Variants in ITGA2 observed in about 807,000 individuals in gnomAD.
The protein encoded by ITGA2 is integrin alpha-2.
In ITGA2, 101 loss-of-function variants were observed where a neutral mutation model predicts 146.3. The observed-to-expected ratio is 0.69, with a 90% CI of 0.59 to 0.81. The LOEUF (loss-of-function observed/expected upper bound fraction) is 0.81, where lower values mean the gene tolerates loss of function less well. Ranked by LOEUF, ITGA2 falls within the 40% of genes least tolerant of loss-of-function variation. The pLI, the probability that ITGA2 is intolerant of heterozygous loss-of-function variation, is 0.00. For missense variants in ITGA2, 1,281 were observed against 1,402.7 expected (o/e 0.91, Z 1.39); for synonymous variants, 477 against 487.1 (o/e 0.98, Z 0.27).
chr5:53,042,728 C>G (rs749376934), intron 3 of ITGA2, among the ~76,000 whole-genome samples: 11 of 151,968 alleles, frequency 7.2e-5, no homozygotes, highest in Non-Finnish European at 1.5e-4. Flanking sequence ...CCTATTAATG[C>G]CAAAAATTTA....
chr5:53,063,022 A>G, intron 13 of ITGA2, 93 bp downstream of exon 13: 1 of 1,027,996 alleles, frequency 9.7e-7, no homozygotes, highest in Non-Finnish European at 1.5e-6. Flanking sequence ...TTATTGAATG[A>G]TAATTTGCAC....
chr5:53,002,468 A>C (rs890075378), intron 1 of ITGA2, among the ~76,000 whole-genome samples: 1 of 152,154 alleles, frequency 6.6e-6, no homozygotes, highest in African/African-American at 2.4e-5. Context: ...CTTTTCATAG[A>C]TATACTCACT....
intron 7 of ITGA2, among the ~76,000 whole-genome samples, chr5:53,053,487 A>ACGGCC (rs772142073): frequency 1.3e-5 from 2 of 152,262 alleles, no homozygotes; most frequent in East Asian, 3.9e-4. Flanking sequence ...AGAAACTGCA[A>ACGGCC]CGGCCCGGTT....
At chr5:53,086,859 C>A in intron 27 of ITGA2, 93 bp from the exon 28 acceptor site, 1 of 1,024,160 alleles carries the variant, frequency 9.8e-7, no homozygotes, top group Non-Finnish European at 1.5e-6. Context: ...TGTCACATTC[C>A]ACCAGGAAAT....
intron 23 of ITGA2, among the ~76,000 whole-genome samples, chr5:53,078,397 A>C (rs1445941): frequency 0.22 from 33,532 of 152,098 alleles, 4,084 homozygotes; most frequent in South Asian, 0.28. Flanking sequence ...CATTCATTCA[A>C]CTAACAAGTA....
intron 11 of ITGA2, 23 bp downstream of exon 11, chr5:53,060,035 T>C: frequency 6.2e-7 from 1 of 1,611,078 alleles, no homozygotes; most frequent in Non-Finnish European, 8.5e-7. Flanking sequence ...AATAATTGGC[T>C]CAGCAAACTT....
intron 27 of ITGA2, among the ~76,000 whole-genome samples, chr5:53,084,504 G>A (rs527243481): frequency 1.2e-4 from 18 of 152,116 alleles, no homozygotes; most frequent in Non-Finnish European, 2.1e-4. Context: ...AGAAGAAAAC[G>A]GAATAGTAAA....
In ITGA2 at chr5:53,060,995, T is replaced by C. The variant is rs752390199; in HGVS notation, c.1407T>C (p.Ser469=). 3.2e-5 allele frequency: 51 copies of C among 1,612,276 alleles called. No individual in the cohort carries two copies. The highest frequency in any genetic ancestry group is 4.2e-5 in the Non-Finnish European group (49 of 1,178,896). The change falls in exon 12 of 30, where the codon AGT becomes AGC. Residue 469 remains serine, a synonymous_variant. Transcript: ENST00000296585. The stretch of plus-strand genomic sequence containing the variant: ...ATACCGGCCAGATAGTGCTATATAG[T>C]GTGAATGAGAATGGCAATATCACGG... ...ANYTGQIVLY[S]VNENGNITVI... is the part of the protein sequence containing the mutation.
Position 52,989,380 on chromosome 5 carries a change from TGTGCAG to T in ITGA2, c.-86_-81del. ...GAAGCCCTCTGGACAGCTTCTAGAG[TGTGCAG>T]GTTCTCGTATCCCTCGGCCAAGGGT... On this transcript the variant is annotated 5_prime_UTR_variant, in exon 1 of 30. Coordinates refer to ENST00000296585, the MANE Select transcript of ITGA2 (RefSeq NM_002203.4). 2 of 1,335,456 alleles carry T rather than the reference TGTGCAG, an allele frequency of 1.5e-6. No individual in the cohort carries two copies. The highest frequency in any genetic ancestry group is 2.4e-5 in the South Asian group (2 of 84,894). 82.7% of individuals were successfully genotyped at this position (1,335,456 alleles called of 1,614,324 possible). A position where few individuals can be genotyped will look rare whatever the true frequency, so the allele number is the denominator to read the frequency against.
At chr5:53,077,222 G>C (rs1239554144) in intron 23 of ITGA2, among the ~76,000 whole-genome samples, 4 of 152,038 alleles carry the variant, frequency 2.6e-5, no homozygotes, top group African/African-American at 9.6e-5. Context: ...CAAGACATTT[G>C]GTTGTTTTGC....
chr5:53,090,262 C>T (rs1740346066), intron 29 of ITGA2, among the ~76,000 whole-genome samples, 200 bp downstream of exon 29: 1 of 152,172 alleles, frequency 6.6e-6, no homozygotes, highest in Non-Finnish European at 1.5e-5. Context: ...TTCCTTTCAT[C>T]CAGAGCCCTG....
chr5:53,030,825 A>G lies in ITGA2; in HGVS notation c.185+3957A>G, dbSNP rs139542070. Among the ~76,000 whole-genome samples the G allele has an allele frequency of 1.7e-4, 26 of 152,340 alleles. No homozygotes were observed. The East Asian group carries it at 4.0e-3, about 24-fold the overall frequency. On this transcript the variant is annotated intron_variant, in intron 2 of 29. Coordinates refer to ENST00000296585, the MANE Select transcript of ITGA2 (RefSeq NM_002203.4). Reference sequence around the variant, plus strand: ...CAGTTAATGGTGTTTGTTTTCTTTCAGTGTCACTAGCTATAATAACTTAAG... The same window carrying G: ...CAGTTAATGGTGTTTGTTTTCTTTCGGTGTCACTAGCTATAATAACTTAAG...
At chr5:53,052,169 A>G (rs1344766724) in intron 7 of ITGA2, among the ~76,000 whole-genome samples, 1 of 152,136 alleles carries the variant, frequency 6.6e-6, no homozygotes, top group Admixed American at 6.5e-5. Context: ...TACACATGCC[A>G]TGGTGATTTG....
chr5:53,070,949 G>A (rs3212574), intron 17 of ITGA2, among the ~76,000 whole-genome samples: 27,943 of 151,810 alleles, frequency 0.18, 2,657 homozygotes, highest in Non-Finnish European at 0.22. Context: ...TTTAAGGTGC[G>A]AAAGAACTGC....
At chr5:53,005,593 A>AG (rs1373643690) in intron 1 of ITGA2, among the ~76,000 whole-genome samples, 2 of 151,938 alleles carry the variant, frequency 1.3e-5, no homozygotes, top group African/African-American at 4.8e-5. Flanking sequence ...AAAAAAAAAA[A>AG]AAAGATGAAA....
rs117279333 is a variant in ITGA2, at chr5:53,068,925, A to T, written c.2084-1184A>T. ...GACTAACTTTGTCCTAACTGCACTCACCTCCTTGCCATTGTTTTTCCTTTA... is the reference window on the plus strand; with the variant it reads ...GACTAACTTTGTCCTAACTGCACTCTCCTCCTTGCCATTGTTTTTCCTTTA... On this transcript the variant is annotated intron_variant, in intron 16 of 29. Coordinates refer to ENST00000296585, the MANE Select transcript of ITGA2 (RefSeq NM_002203.4). Among the ~76,000 whole-genome samples the T allele has an allele frequency of 7.3e-5, 11 of 151,148 alleles. No individual in the cohort carries two copies. In the East Asian group the frequency reaches 2.2e-3, roughly 30 times the overall value.
intron 7 of ITGA2, among the ~76,000 whole-genome samples, chr5:53,053,947 T>A (rs1744509658): frequency 6.6e-6 from 1 of 152,134 alleles, no homozygotes; most frequent in Non-Finnish European, 1.5e-5. Flanking sequence ...CTCAAAAACC[T>A]TAGAATCATA....
intron 27 of ITGA2, among the ~76,000 whole-genome samples, chr5:53,083,991 A>G (rs1464026273): frequency 1.3e-5 from 2 of 152,214 alleles, no homozygotes; most frequent in Admixed American, 1.3e-4. Flanking sequence ...GGGAGAGCCC[A>G]GTGGGCACAT....
intron 26 of ITGA2, among the ~76,000 whole-genome samples, chr5:53,082,938 C>T (rs982949284): frequency 6.6e-6 from 1 of 152,100 alleles, no homozygotes; most frequent in African/African-American, 2.4e-5. Flanking sequence ...AATTGTAGTA[C>T]ATTTTGTGCA....
Sources: gnomAD v4.1 joint callset for allele counts (sites outside exome capture counted in the v4.1 genomes callset) on GRCh38, gnomAD v4.1.1 for gene constraint, MANE v1.5 for transcripts, NCBI Gene and HGNC (gene_info 2026-07-23, HGNC 2026-07-21) for gene names.